Variants in ATAD2B observed in about 807,000 individuals in gnomAD.
ATAD2B encodes ATPase family AAA domain containing 2B, also known as ATPase family AAA domain-containing protein 2B.
A neutral mutation model predicts 167.6 loss-of-function variants in ATAD2B; 40 were observed. The ratio of observed to expected loss-of-function variants is 0.24; its 90% CI spans 0.19 to 0.31. The LOEUF (loss-of-function observed/expected upper bound fraction) is 0.31. Among genes scored for constraint, ATAD2B ranks in the 10% least tolerant of loss-of-function variants. The pLI is 1.00. For synonymous variants in ATAD2B, 579 were observed against 596.5 expected, an observed-to-expected ratio of 0.97 and a Z score of 0.43; for missense variants, 1,242 against 1,757.2, an observed-to-expected ratio of 0.71 and a Z score of 5.24.
Position 23,819,888 on chromosome 2 carries a change from T to TA in ATAD2B, c.2132-7dup, listed in dbSNP as rs750377732. On this transcript the variant is annotated splice_polypyrimidine_tract_variant and splice_region_variant and intron_variant, in intron 16 of 27. Transcript: ENST00000238789. ...TAAAATTAAAGTTTCTATATCTGTT[T>TA]AAAAAAATCACAATGGTTATGGGGC... 8.3e-6 allele frequency: 13 copies of TA among 1,567,220 alleles called. No homozygotes were observed. The highest frequency in any genetic ancestry group is 3.4e-5 in the South Asian group (3 of 87,826).
the ATAD2B span, among the ~76,000 whole-genome samples, chr2:23,726,363 G>A: frequency 6.6e-6 from 1 of 152,102 alleles, no homozygotes; most frequent in Non-Finnish European, 1.5e-5. Flanking sequence ...AACATAAACA[G>A]TTGATTAATA....
chr2:23,762,186 A>G (rs1558496279), intron 24 of ATAD2B, 23 bp downstream of exon 24: 1 of 1,611,894 alleles, frequency 6.2e-7, no homozygotes, highest in East Asian at 2.2e-5. Context: ...TCACTACTGG[A>G]TAACATGAGC....
chr2:23,863,312 C>CA (rs1395887350), intron 12 of ATAD2B, 69 bp downstream of exon 12: 10 of 1,470,468 alleles, frequency 6.8e-6, no homozygotes, highest in Non-Finnish European at 9.1e-7. Flanking sequence ...GGCCCTGTCT[C>CA]AAAAAAACAA....
chr2:23,678,485 G>A, the ATAD2B span, among the ~76,000 whole-genome samples: 1 of 152,200 alleles, frequency 6.6e-6, no homozygotes, highest in Non-Finnish European at 1.5e-5. Flanking sequence ...GAGAGACCAC[G>A]TGGAGCAGAA....
intron 8 of ATAD2B, chr2:23,872,139 C>G: frequency 3.8e-6 from 1 of 264,940 alleles, no homozygotes; most frequent in Non-Finnish European, 7.4e-6. Flanking sequence ...GCCTCCCAAA[C>G]TGCTGGGATT....
chr2:23,786,185 A>G lies in ATAD2B; in HGVS notation c.2815T>C (p.Ser939Pro). ...GATTCTGATAATTGACGAGGTGGAG[A>G]AGGTAGTGCAAGAGGAAGCACTTCC... ...AMEVLPLALP[S>P]PPRQLSESEK... Residue 939 changes from serine (S) to proline (P), a missense_variant, in exon 21 of 28, where the codon TCT becomes CCT. Transcript: ENST00000238789. 2 of 1,590,330 alleles carry G rather than the reference A, an allele frequency of 1.3e-6. No individual in the cohort carries two copies. Among genetic ancestry groups the G allele is most frequent in the Middle Eastern group, 1.7e-4 (1 of 6,042 alleles).
At chr2:23,735,860 T>A in the ATAD2B span, among the ~76,000 whole-genome samples, 5 of 152,224 alleles carry the variant, frequency 3.3e-5, no homozygotes, top group Admixed American at 2.6e-4. Context: ...CTCTTGCTCC[T>A]GTAAAGGAGG....
At chr2:23,904,086 T>C (rs999677225) in intron 1 of ATAD2B, among the ~76,000 whole-genome samples, 56 of 152,174 alleles carry the variant, frequency 3.7e-4, no homozygotes, top group African/African-American at 1.2e-3. Context: ...TATCAGGCTA[T>C]GGGAAACACA....
At chr2:23,734,994 C>T in the ATAD2B span, among the ~76,000 whole-genome samples, 153 of 152,322 alleles carry the variant, frequency 1.0e-3, no homozygotes, top group Middle Eastern at 3.4e-3. Context: ...GTTACTATAT[C>T]TTGTTGAAAG....
chr2:23,753,602 G>A (rs1237150060), intron 27 of ATAD2B, among the ~76,000 whole-genome samples: 5 of 152,200 alleles, frequency 3.3e-5, no homozygotes, highest in South Asian at 4.1e-4. Context: ...AATTTCCCTT[G>A]GTTTAGAGTT....
the ATAD2B span, among the ~76,000 whole-genome samples, chr2:23,720,056 C>T: frequency 6.6e-6 from 1 of 152,140 alleles, no homozygotes; most frequent in African/African-American, 2.4e-5. Context: ...TGAGGTAAAC[C>T]TGGGCTTAAG....
At chr2:23,701,576 G>A in the ATAD2B span, among the ~76,000 whole-genome samples, 3 of 152,068 alleles carry the variant, frequency 2.0e-5, no homozygotes, top group Non-Finnish European at 4.4e-5. Context: ...AGCCAGGCAT[G>A]ATGGTGCACA....
At chr2:23,712,910 G>C in the ATAD2B span, among the ~76,000 whole-genome samples, 1 of 152,156 alleles carries the variant, frequency 6.6e-6, no homozygotes, top group East Asian at 1.9e-4. Flanking sequence ...CCTTTGAGTG[G>C]CTCATACTAG....
At chr2:23,854,529 T>A (rs1693054423) in intron 13 of ATAD2B, among the ~76,000 whole-genome samples, 1 of 151,674 alleles carries the variant, frequency 6.6e-6, no homozygotes, top group South Asian at 2.1e-4. Flanking sequence ...AATACAAAAA[T>A]TAGCCAGGCG....
At chr2:23,738,603 T>C in the ATAD2B span, among the ~76,000 whole-genome samples, 2 of 152,010 alleles carry the variant, frequency 1.3e-5, no homozygotes, top group African/African-American at 4.8e-5. Flanking sequence ...ACATGCCAAA[T>C]TGTAAAGAGC....
intron 13 of ATAD2B, among the ~76,000 whole-genome samples, chr2:23,848,155 AT>A (rs922478689): frequency 3.3e-5 from 5 of 152,204 alleles, no homozygotes; most frequent in African/African-American, 1.2e-4. Flanking sequence ...AGTATAAAAA[AT>A]ATTTAAGATA....
At chr2:23,923,920 C>G (rs1402230650) in intron 1 of ATAD2B, among the ~76,000 whole-genome samples, 1 of 152,194 alleles carries the variant, frequency 6.6e-6, no homozygotes, top group Non-Finnish European at 1.5e-5. Context: ...CGGTGGCTCA[C>G]GCCTGTAATC....
At chr2:23,796,865 T>C (rs909005362) in intron 19 of ATAD2B, among the ~76,000 whole-genome samples, 1 of 152,186 alleles carries the variant, frequency 6.6e-6, no homozygotes, top group Non-Finnish European at 1.5e-5. Context: ...GAAGCAATTA[T>C]ACGTTCAAGT....
Position 23,847,269 on chromosome 2 carries a change from G to C in ATAD2B, c.1568+10146C>G, listed in dbSNP as rs1425264136. 2.0e-5 allele frequency among the ~76,000 whole-genome samples: 3 copies of C among 150,030 alleles called. No individual in the cohort carries two copies. In the East Asian group the frequency reaches 6.0e-4, roughly 30 times the overall value. ...GCCTGTAATCCCAGCACTTTGGGAG[G>C]CCGAGGCAGGCGGATCACAAGGTCA... On this transcript the variant is annotated intron_variant, in intron 13 of 27. Transcript: ENST00000238789.
Sources: gnomAD v4.1 joint callset for allele counts (sites outside exome capture counted in the v4.1 genomes callset) on GRCh38, gnomAD v4.1.1 for gene constraint, MANE v1.5 for transcripts, NCBI Gene and HGNC (gene_info 2026-07-23, HGNC 2026-07-21) for gene names.